FLT1: variants seen among roughly 807,000 people sequenced by gnomAD.
The protein encoded by FLT1 is fms related receptor tyrosine kinase 1, also known as vascular endothelial growth factor receptor 1.
A neutral mutation model predicts 156.3 loss-of-function variants in FLT1; 49 were observed. The observed-to-expected ratio is 0.31, with a 90% confidence interval of 0.25 to 0.40. The LOEUF (loss-of-function observed/expected upper bound fraction) is 0.40, where lower values mean the gene tolerates loss of function less well. FLT1 is among the 10% of genes least tolerant of loss of function. FLT1 has a pLI of 1.00. For missense variants in FLT1, 1,322 were observed against 1,637.2 expected, an observed-to-expected ratio of 0.81 and a Z score of 3.32; for synonymous variants, 594 against 583.8, an observed-to-expected ratio of 1.02 and a Z score of -0.25.
intron 3 of FLT1, among the ~76,000 whole-genome samples, chr13:28,446,221 G>A (rs1047254933): frequency 1.3e-5 from 2 of 152,130 alleles, no homozygotes; most frequent in Non-Finnish European, 2.9e-5. Flanking sequence ...GTGAAGCACT[G>A]GAAGTTTCCC....
chr13:28,374,657 G>A (rs67078314), intron 14 of FLT1, among the ~76,000 whole-genome samples: 21,985 of 151,266 alleles, frequency 0.15, 2,088 homozygotes, highest in East Asian at 0.46. Context: ...GACTACAGGC[G>A]CCCACTACCA....
Position 28,339,310 on chromosome 13 carries a change from A to G in FLT1, c.2356-10T>C, listed in dbSNP as rs1872241213. The G allele has an allele frequency of 6.2e-7, 1 of 1,612,540 alleles. No individual in the cohort carries two copies. The highest frequency in any genetic ancestry group is 1.3e-5 in the African/African-American group (1 of 74,896). On this transcript the variant is annotated splice_polypyrimidine_tract_variant and intron_variant, in intron 16 of 29. Coordinates refer to ENST00000282397, the MANE Select transcript of FLT1 (RefSeq NM_002019.4). ...TTATTTCAGAAGAAGACTGAGAAAT[A>G]AAGAGATCTCAAAGTCATCGAGAAG...
At chr13:28,442,621 T>C (rs1033179445) in intron 3 of FLT1, among the ~76,000 whole-genome samples, 3 of 152,048 alleles carry the variant, frequency 2.0e-5, no homozygotes, top group East Asian at 3.9e-4. Context: ...CCAAACACTA[T>C]GCAAAACACA....
chr13:28,365,501 A>G (rs1156973132), intron 14 of FLT1, among the ~76,000 whole-genome samples: 1 of 151,952 alleles, frequency 6.6e-6, no homozygotes, highest in Non-Finnish European at 1.5e-5. Flanking sequence ...ACAGGTGTGC[A>G]CCACCAAGCC....
At chr13:28,420,097 A>T (rs947130804) in intron 10 of FLT1, among the ~76,000 whole-genome samples, 1 of 152,152 alleles carries the variant, frequency 6.6e-6, no homozygotes, top group African/African-American at 2.4e-5. Context: ...TGGCAAAAGA[A>T]CTCATGCTCT....
intron 1 of FLT1, among the ~76,000 whole-genome samples, chr13:28,475,345 G>T (rs1276403588): frequency 1.3e-5 from 2 of 152,040 alleles, no homozygotes; most frequent in Non-Finnish European, 2.9e-5. Context: ...GAAATGAAAT[G>T]CATCTGTCTT....
chr13:28,386,094 G>A (rs1191545292), intron 13 of FLT1: 6 of 1,054,414 alleles, frequency 5.7e-6, no homozygotes, highest in Non-Finnish European at 5.7e-6. Context: ...TACAGTATGA[G>A]CTTTCTCTGC....
At chr13:28,413,628 GC>G (rs2137512947) in intron 10 of FLT1, among the ~76,000 whole-genome samples, 1 of 152,220 alleles carries the variant, frequency 6.6e-6, no homozygotes, top group South Asian at 2.1e-4. Flanking sequence ...TATTAGGAGT[GC>G]CTACAAAAAA....
chr13:28,456,808 A>G (rs987548242), intron 3 of FLT1, among the ~76,000 whole-genome samples: 5 of 150,414 alleles, frequency 3.3e-5, no homozygotes, highest in Admixed American at 2.7e-4. Flanking sequence ...AAAAAAAAAA[A>G]GAAAGAAAAA....
At chr13:28,348,730 A>G (rs1471298571) in intron 15 of FLT1, among the ~76,000 whole-genome samples, 1 of 152,200 alleles carries the variant, frequency 6.6e-6, no homozygotes, top group Non-Finnish European at 1.5e-5. Flanking sequence ...TAATACCGTG[A>G]AACCCCGTCT....
intron 16 of FLT1, among the ~76,000 whole-genome samples, chr13:28,344,894 C>CAGGCTAA (rs2138858359): frequency 6.7e-6 from 1 of 149,386 alleles, no homozygotes; most frequent in South Asian, 2.1e-4. Context: ...CTTGACCTCC[C>CAGGCTAA]AGGCTAAAGT....
At chr13:28,409,440 C>T (rs1359527610) in intron 10 of FLT1, among the ~76,000 whole-genome samples, 2 of 151,702 alleles carry the variant, frequency 1.3e-5, no homozygotes, top group Non-Finnish European at 2.9e-5. Flanking sequence ...GCTCAACTGA[C>T]CCTCCAACTT....
chr13:28,367,166 A>T (rs1873330522), intron 14 of FLT1, among the ~76,000 whole-genome samples: 1 of 152,184 alleles, frequency 6.6e-6, no homozygotes, highest in Admixed American at 6.5e-5. Flanking sequence ...CAGAATTTAT[A>T]AAATTCTGTC....
intron 3 of FLT1, among the ~76,000 whole-genome samples, chr13:28,444,121 G>C (rs989575660): frequency 6.6e-6 from 1 of 152,120 alleles, no homozygotes; most frequent in African/African-American, 2.4e-5. Context: ...ACAATAACAG[G>C]TGAAGATTTC....
At chr13:28,375,491 T>G (rs1012519237) in intron 14 of FLT1, among the ~76,000 whole-genome samples, 12 of 152,206 alleles carry the variant, frequency 7.9e-5, no homozygotes, top group Non-Finnish European at 1.2e-4. Flanking sequence ...CAGGTTAGTT[T>G]TCGCATGCTG....
At chr13:28,318,990 C>T (rs1430487539) in intron 24 of FLT1, among the ~76,000 whole-genome samples, 1 of 152,332 alleles carries the variant, frequency 6.6e-6, no homozygotes, top group African/African-American at 2.4e-5. Flanking sequence ...TCTAACAACA[C>T]CTTCCTCGCT....
intron 1 of FLT1, among the ~76,000 whole-genome samples, chr13:28,473,676 AGAG>A (rs1880316072): frequency 3.7e-5 from 5 of 134,670 alleles, no homozygotes; most frequent in African/African-American, 1.7e-4. Flanking sequence ...AAAGAAAGAG[AGAG>A]AGAGAGAGAG....
In FLT1 at chr13:28,371,542, T is replaced by G. The variant is rs904596606; in HGVS notation, c.2116+13343A>C. ...GATGGTCCCAGTATCACAGTGCTTG[T>G]GTTCACAGAACACTTATTTTCCTCA... is the stretch of plus-strand genomic sequence containing the variant. On this transcript the variant is annotated intron_variant, in intron 14 of 29. Coordinates refer to ENST00000282397, the MANE Select transcript of FLT1 (RefSeq NM_002019.4). 5.3e-5 allele frequency among the ~76,000 whole-genome samples: 8 copies of G among 152,280 alleles called. No individual in the cohort carries two copies. The South Asian group carries it at 1.2e-3, about 24-fold the overall frequency.
At chr13:28,311,876 CT>C (rs66484805) in intron 26 of FLT1, 116 bp downstream of exon 26, 10 of 1,095,246 alleles carry the variant, frequency 9.1e-6, no homozygotes, top group Non-Finnish European at 1.2e-5. Flanking sequence ...CACACACACC[CT>C]TTTTTTAAAC....
Sources: allele counts gnomAD v4.1 joint callset (sites outside exome capture counted in the v4.1 genomes callset), GRCh38; gene constraint gnomAD v4.1.1; transcripts MANE v1.5; gene names NCBI Gene and HGNC (gene_info 2026-07-23, HGNC 2026-07-21).